The following CA10 variants were observed in gnomAD, a reference collection of about 807,000 sequenced individuals.
The protein encoded by CA10 is carbonic anhydrase-related protein 10.
In CA10, 14 loss-of-function variants were observed where a neutral mutation model predicts 44.2. That is an observed-to-expected ratio of 0.32 (90% CI 0.21 to 0.50). The LOEUF is 0.50. CA10 is among the 20% of genes least tolerant of loss of function. The pLI is 0.99. For missense variants in CA10, 350 were observed against 409.7 expected (o/e 0.85, Z 1.26); for synonymous variants, 159 against 141.6 (o/e 1.12, Z -0.87).
chr17:51,983,398 G>A (rs1020316960), intron 2 of CA10, among the ~76,000 whole-genome samples: 5 of 151,698 alleles, frequency 3.3e-5, no homozygotes, highest in African/African-American at 1.2e-4. Context: ...ATTTATTCCA[G>A]TATGATATGC....
chr17:52,113,204 C>A (rs1457881220), intron 1 of CA10, among the ~76,000 whole-genome samples: 1 of 152,124 alleles, frequency 6.6e-6, no homozygotes, highest in Non-Finnish European at 1.5e-5. Flanking sequence ...ATTAGATGCT[C>A]AAGATGAACA....
At chr17:51,717,666 C>CACAT (rs1645219937) in intron 4 of CA10, among the ~76,000 whole-genome samples, 1 of 70,322 alleles carries the variant, frequency 1.4e-5, no homozygotes, top group South Asian at 4.6e-4. Flanking sequence ...CGTATATATA[C>CACAT]ATGTATATAT....
intron 1 of CA10, among the ~76,000 whole-genome samples, chr17:52,141,107 T>TCG (rs1567746568): frequency 1.3e-5 from 2 of 152,146 alleles, no homozygotes; most frequent in Non-Finnish European, 2.9e-5. Context: ...TCAGAAAGCT[T>TCG]GCTCCTTCCC....
intron 3 of CA10, among the ~76,000 whole-genome samples, chr17:51,768,229 C>T (rs772789791): frequency 1.3e-5 from 2 of 150,300 alleles, no homozygotes; most frequent in Non-Finnish European, 3.0e-5. Context: ...TCTTAAAACT[C>T]ATGGCACACG....
chr17:51,862,247 A>G (rs962012140), intron 3 of CA10, among the ~76,000 whole-genome samples: 3 of 152,224 alleles, frequency 2.0e-5, no homozygotes, highest in African/African-American at 7.2e-5. Flanking sequence ...AACTAGTATT[A>G]GTGAAGCTTA....
intron 3 of CA10, among the ~76,000 whole-genome samples, chr17:51,828,253 C>T (rs999526557): frequency 2.0e-5 from 3 of 152,268 alleles, no homozygotes; most frequent in African/African-American, 7.2e-5. Context: ...AGGTTATATA[C>T]AGCCTTGGCC....
At chr17:51,907,714 G>A (rs999748748) in intron 3 of CA10, among the ~76,000 whole-genome samples, 12 of 152,172 alleles carry the variant, frequency 7.9e-5, no homozygotes, top group African/African-American at 2.9e-4. Context: ...CGCCACAATG[G>A]GGGACCATTT....
rs1913665917 is a variant in CA10, at chr17:51,653,706, A to G, written c.496T>C (p.Tyr166His). The change falls in exon 5 of 9, where the codon TAT (tyrosine) becomes CAT (histidine). Residue 166 changes from tyrosine (Y) to histidine (H), a missense_variant. By Grantham distance (83) the Tyr-to-His change is moderately conservative (BLOSUM62 2). Coordinates refer to ENST00000451037, the MANE Select transcript of CA10 (RefSeq NM_020178.5). ...VQLIHYNHEL[Y>H]TNVTEAAKSP... ...TTTGCAGCTTCTGTGACATTCGTATATAGCTCATGGTTATAGTGGATGAGC... is the reference window on the plus strand; with the variant it reads ...TTTGCAGCTTCTGTGACATTCGTATGTAGCTCATGGTTATAGTGGATGAGC... The G allele has an allele frequency of 6.2e-7, 1 of 1,610,580 alleles. No individual in the cohort carries two copies. Among genetic ancestry groups the G allele is most frequent in the Admixed American group, 1.7e-5 (1 of 59,998 alleles).
intron 3 of CA10, among the ~76,000 whole-genome samples, chr17:51,875,118 T>C (rs1379274027): frequency 6.6e-6 from 1 of 151,966 alleles, no homozygotes; most frequent in Non-Finnish European, 1.5e-5. Flanking sequence ...GGACTACAGG[T>C]GTAAGACACC....
intron 1 of CA10, among the ~76,000 whole-genome samples, chr17:52,083,561 C>T (rs1287989101): frequency 3.9e-5 from 6 of 152,114 alleles, no homozygotes; most frequent in African/African-American, 1.4e-4. Context: ...TCCCTCATCC[C>T]CCTCACTCTC....
intron 2 of CA10, among the ~76,000 whole-genome samples, chr17:52,017,641 C>A (rs187167247): frequency 6.6e-6 from 1 of 152,116 alleles, no homozygotes; most frequent in East Asian, 1.9e-4. Context: ...TTTGAATTTA[C>A]AATAAAAAGG....
intron 3 of CA10, among the ~76,000 whole-genome samples, chr17:51,830,611 G>A (rs1406247157): frequency 6.6e-6 from 1 of 152,150 alleles, no homozygotes; most frequent in Non-Finnish European, 1.5e-5. Context: ...AGCTTGCAGG[G>A]TCAGGGCCCA....
chr17:52,029,462 G>T (rs1028572834), intron 2 of CA10, among the ~76,000 whole-genome samples: 2 of 152,060 alleles, frequency 1.3e-5, no homozygotes, highest in Non-Finnish European at 2.9e-5. Flanking sequence ...TTGAAGCAGG[G>T]GTGTATTAAT....
At chr17:51,892,189 A>C (rs1980887797) in intron 3 of CA10, among the ~76,000 whole-genome samples, 1 of 152,224 alleles carries the variant, frequency 6.6e-6, no homozygotes, top group Non-Finnish European at 1.5e-5. Flanking sequence ...TGCCGGATTC[A>C]TGGTCCTGTA....
chr17:52,012,063 T>G (rs1426800153), intron 2 of CA10, among the ~76,000 whole-genome samples: 1 of 151,980 alleles, frequency 6.6e-6, no homozygotes. Context: ...TGCCATGAAC[T>G]GAGCTGGTTA....
At chr17:51,807,012 C>T (rs924592857) in intron 3 of CA10, among the ~76,000 whole-genome samples, 2 of 152,134 alleles carry the variant, frequency 1.3e-5, no homozygotes, top group Non-Finnish European at 2.9e-5. Context: ...TTTCATTATC[C>T]CCATTTTACA....
At chr17:51,776,762 T>C (rs1464525790) in intron 3 of CA10, among the ~76,000 whole-genome samples, 1 of 152,234 alleles carries the variant, frequency 6.6e-6, no homozygotes, top group Non-Finnish European at 1.5e-5. Context: ...TGTCAGTTGT[T>C]TGCACTAGCC....
chr17:51,920,373 G>C (rs939510612), intron 3 of CA10, among the ~76,000 whole-genome samples: 1 of 151,992 alleles, frequency 6.6e-6, no homozygotes, highest in Non-Finnish European at 1.5e-5. Flanking sequence ...GAAAGGGAGG[G>C]AGGAGGTTGG....
intron 4 of CA10, among the ~76,000 whole-genome samples, chr17:51,715,016 T>C (rs1916054023): frequency 6.6e-6 from 1 of 152,212 alleles, no homozygotes; most frequent in African/African-American, 2.4e-5. Flanking sequence ...CTAAGTTTGT[T>C]GTGGTGAAAA....
Sources: allele counts gnomAD v4.1 joint callset (sites outside exome capture counted in the v4.1 genomes callset), GRCh38; gene constraint gnomAD v4.1.1; transcripts MANE v1.5; gene names NCBI Gene and HGNC (gene_info 2026-07-23, HGNC 2026-07-21).